The following SMYD3 variants were observed in gnomAD, a reference collection of about 807,000 sequenced individuals.
SMYD3 encodes the protein SET and MYND domain containing 3.
SMYD3 carries 36 observed loss-of-function variants against 57.7 expected under a neutral mutation model. The ratio of observed to expected loss-of-function variants is 0.62; its 90% CI spans 0.48 to 0.82. SMYD3 has a LOEUF of 0.82. Among genes scored for constraint, SMYD3 ranks in the 40% least tolerant of loss-of-function variants. SMYD3 has a pLI of 0.00. For missense variants in SMYD3, 515 were observed against 538.8 expected (o/e 0.96, Z 0.44); for synonymous variants, 211 against 195.0 (o/e 1.08, Z -0.68).
intron 5 of SMYD3, among the ~76,000 whole-genome samples, chr1:246,109,206 A>C (rs778901059): frequency 6.6e-6 from 1 of 152,258 alleles, no homozygotes; most frequent in South Asian, 2.1e-4. Flanking sequence ...TCTAATAAAG[A>C]AAATTACTGC....
At chr1:246,026,990 C>T (rs2059586603) in intron 5 of SMYD3, among the ~76,000 whole-genome samples, 1 of 152,202 alleles carries the variant, frequency 6.6e-6, no homozygotes, top group Admixed American at 6.5e-5. Context: ...CTCCAGTGAA[C>T]ACACAAATAA....
chr1:246,004,655 C>T (rs551918489), intron 5 of SMYD3, among the ~76,000 whole-genome samples: 1 of 152,276 alleles, frequency 6.6e-6, no homozygotes, highest in Admixed American at 6.5e-5. Flanking sequence ...CATCCAGCTT[C>T]CTCATGCAAG....
At chr1:246,192,670 T>C (rs1233263932) in intron 5 of SMYD3, among the ~76,000 whole-genome samples, 1 of 152,204 alleles carries the variant, frequency 6.6e-6, no homozygotes, top group Non-Finnish European at 1.5e-5. Context: ...TCCTTATAAC[T>C]TTAAAAGGGT....
intron 5 of SMYD3, among the ~76,000 whole-genome samples, chr1:246,029,673 G>GAAAAAAAAAAAAAA (rs34698516): frequency 1.1e-5 from 1 of 88,156 alleles, no homozygotes; most frequent in Non-Finnish European, 2.6e-5. Flanking sequence ...CTCTGTCTCA[G>GAAAAAAAAAAAAAA]AAAAAAAAAA....
At chr1:246,188,550 T>G (rs551985046) in intron 5 of SMYD3, among the ~76,000 whole-genome samples, 3 of 152,232 alleles carry the variant, frequency 2.0e-5, no homozygotes, top group South Asian at 4.2e-4. Flanking sequence ...AAACAGAAAC[T>G]CTGAACAAGT....
chr1:246,326,471 A>G, intron 5 of SMYD3: 1 of 618,306 alleles, frequency 1.6e-6, no homozygotes, highest in South Asian at 1.9e-5. Flanking sequence ...ATCATTTAAA[A>G]AAAAAAAAAA....
At chr1:246,088,513 G>A (rs1337427728) in intron 5 of SMYD3, among the ~76,000 whole-genome samples, 1 of 132,638 alleles carries the variant, frequency 7.5e-6, no homozygotes, top group Non-Finnish European at 1.5e-5. Context: ...GGGAGGCTGA[G>A]GCAGGAGAAT....
intron 5 of SMYD3, among the ~76,000 whole-genome samples, chr1:246,183,244 C>T (rs2062582105): frequency 6.6e-6 from 1 of 151,920 alleles, no homozygotes; most frequent in Non-Finnish European, 1.5e-5. Flanking sequence ...GTTTTCCAGA[C>T]AATACTTTTC....
At chr1:245,947,665 G>A (rs2057469085) in intron 5 of SMYD3, among the ~76,000 whole-genome samples, 1 of 152,164 alleles carries the variant, frequency 6.6e-6, no homozygotes. Context: ...GCCTTGGAAT[G>A]ACTCAGGGCA....
At chr1:246,365,332 A>T (rs546564691) in intron 1 of SMYD3, among the ~76,000 whole-genome samples, 2 of 151,530 alleles carry the variant, frequency 1.3e-5, no homozygotes, top group African/African-American at 4.8e-5. Context: ...ACAAAAAAAA[A>T]AAAAATTAAA....
chr1:245,864,980 C>T (rs952052035), intron 8 of SMYD3, among the ~76,000 whole-genome samples: 1 of 152,288 alleles, frequency 6.6e-6, no homozygotes. Context: ...GAAATGTCTG[C>T]CCTCCTATTC....
chr1:246,154,342 T>C (rs550613770), intron 5 of SMYD3, among the ~76,000 whole-genome samples: 1 of 152,338 alleles, frequency 6.6e-6, no homozygotes, highest in South Asian at 2.1e-4. Context: ...TCCTGCTCCA[T>C]ACAGCTCCAG....
At chr1:246,125,081 A>ACACACAC (rs1263823647) in intron 5 of SMYD3, among the ~76,000 whole-genome samples, 1 of 109,532 alleles carries the variant, frequency 9.1e-6, no homozygotes, top group African/African-American at 2.7e-5. Flanking sequence ...CAAAAAAAAA[A>ACACACAC]AAAAAAACAC....
rs548361178 is a variant in SMYD3 at position 246,316,293 on chromosome 1, A to G, written c.531+10908T>C. ...TCTCAGCTACTCAGGAGACTGAGGCAGGAAGATTGCTTGAGCCCAGGAGTT... is the reference window on the plus strand; with the variant it reads ...TCTCAGCTACTCAGGAGACTGAGGCGGGAAGATTGCTTGAGCCCAGGAGTT... On this transcript the variant is annotated intron_variant, in intron 5 of 11. Transcript: ENST00000490107. 3.3e-5 allele frequency among the ~76,000 whole-genome samples: 5 copies of G among 152,138 alleles called. No homozygotes were observed. The East Asian group carries it at 9.7e-4, about 29-fold the overall frequency.
In SMYD3 at chr1:246,030,060, C is replaced by T. The variant is rs552961211; in HGVS notation, c.532-100123G>A. On this transcript the variant is annotated intron_variant, in intron 5 of 11. Transcript: ENST00000490107. The stretch of plus-strand genomic sequence containing the variant: ...GGAAATCAAAGGGATACGCACACCC[C>T]CAATGCGTATTGCAGCACTATTCAC... Among the ~76,000 whole-genome samples the T allele has an allele frequency of 2.6e-5, 4 of 151,216 alleles. No homozygotes were observed. In the South Asian group the frequency reaches 6.3e-4, roughly 24 times the overall value.
chr1:246,379,383 T>A (rs1483724073), intron 1 of SMYD3, among the ~76,000 whole-genome samples: 2 of 152,166 alleles, frequency 1.3e-5, no homozygotes, highest in African/African-American at 4.8e-5. Context: ...AAGCTGTTTC[T>A]AGATATTATT....
intron 5 of SMYD3, among the ~76,000 whole-genome samples, chr1:246,297,963 AAG>A (rs1403746272): frequency 1.5e-4 from 23 of 152,114 alleles, no homozygotes; most frequent in Admixed American, 1.5e-3. Flanking sequence ...TTATAACTGT[AAG>A]AGTGCTTTTC....
chr1:246,078,685 G>C, intron 5 of SMYD3, among the ~76,000 whole-genome samples: 1 of 152,326 alleles, frequency 6.6e-6, no homozygotes, highest in Middle Eastern at 3.4e-3. Flanking sequence ...GGTTGATTCA[G>C]CGACCCATAT....
intron 5 of SMYD3, among the ~76,000 whole-genome samples, chr1:246,019,559 C>T (rs2059433598): frequency 6.6e-6 from 1 of 152,132 alleles, no homozygotes; most frequent in Non-Finnish European, 1.5e-5. Flanking sequence ...TTTGTTATTT[C>T]CACAAAAGAT....
Sources: gnomAD v4.1 joint callset for allele counts (sites outside exome capture counted in the v4.1 genomes callset) on GRCh38, gnomAD v4.1.1 for gene constraint, MANE v1.5 for transcripts, NCBI Gene and HGNC (gene_info 2026-07-23, HGNC 2026-07-21) for gene names.